CLPTM1L: variants seen among roughly 807,000 people sequenced by gnomAD.
CLPTM1L encodes the protein CLPTM1 like, also known as lipid scramblase CLPTM1L.
In CLPTM1L, 38 loss-of-function variants were observed where a neutral mutation model predicts 70.9. The observed-to-expected ratio is 0.54, with a 90% CI of 0.41 to 0.70. The LOEUF (loss-of-function observed/expected upper bound fraction) is 0.70, where lower values mean the gene tolerates loss of function less well. Among genes scored for constraint, CLPTM1L ranks in the 30% least tolerant of loss-of-function variants. CLPTM1L has a pLI of 0.00. For missense variants in CLPTM1L, 652 were observed against 705.9 expected (o/e 0.92, Z 0.87); for synonymous variants, 339 against 299.9 (o/e 1.13, Z -1.35).
At chr5:1,339,051 T>TG (rs1175786781) in intron 3 of CLPTM1L, 46 bp from the exon 4 acceptor site, 1 of 1,594,950 alleles carries the variant, frequency 6.3e-7, no homozygotes, top group Non-Finnish European at 8.6e-7. Flanking sequence ...CAGAAAACCA[T>TG]GCCCAGGACA....
At chr5:1,328,827 G>T (rs377448013) in intron 9 of CLPTM1L, among the ~76,000 whole-genome samples, 51 of 56,152 alleles carry the variant, frequency 9.1e-4, no homozygotes, top group African/African-American at 1.6e-3. Flanking sequence ...CAGACACATT[G>T]CATCCAGCTC....
Position 1,330,260 on chromosome 5 carries a change from G to C in CLPTM1L, c.1080+20C>G, listed in dbSNP as rs746978192. On this transcript the variant is annotated intron_variant, in intron 9 of 16. Coordinates refer to ENST00000320895, the MANE Select transcript of CLPTM1L (RefSeq NM_030782.5). ...AGGCACATGGACCTCAGACAGTTCA[G>C]GTCACTGCCCGGAACTCACCTCAAT... 6.2e-7 allele frequency: 1 copy of C among 1,606,460 alleles called. No individual in the cohort carries two copies. The highest frequency in any genetic ancestry group is 1.3e-5 in the African/African-American group (1 of 74,892).
intron 9 of CLPTM1L, among the ~76,000 whole-genome samples, chr5:1,326,906 A>G (rs1752616726): frequency 6.7e-6 from 1 of 149,382 alleles, no homozygotes; most frequent in Non-Finnish European, 1.5e-5. Context: ...CTCTACGGAC[A>G]CATTTCATCC....
chr5:1,328,855 T>TGCA (rs1167714966), intron 9 of CLPTM1L, among the ~76,000 whole-genome samples: 1 of 150,768 alleles, frequency 6.6e-6, no homozygotes, highest in Admixed American at 6.6e-5. Context: ...ACAGACACAT[T>TGCA]TCATCCAGCT....
In CLPTM1L at chr5:1,335,165, G is replaced by T. The variant is rs150993328; in HGVS notation, c.688C>A (p.Arg230Ser). Residue 230 changes from arginine to serine, a missense_variant, in exon 6 of 17, where the codon CGC becomes AGC. By Grantham distance (110) the Arg-to-Ser change is moderately radical. Transcript: ENST00000320895. ...GTGAGGGGCAGCTCGGTGGTGGAGC[G>T]GTTTATGACCTGATGAAGAAAGCCA... is the stretch of plus-strand genomic sequence containing the variant. ...NRVKDLMVIN[R>S]STTELPLTVS... 6.2e-7 allele frequency: 1 copy of T among 1,613,382 alleles called. No homozygotes were observed. Among genetic ancestry groups the T allele is most frequent in the Non-Finnish European group, 8.5e-7 (1 of 1,179,836 alleles).
intron 9 of CLPTM1L, among the ~76,000 whole-genome samples, chr5:1,329,553 C>T (rs1752935081): frequency 2.3e-5 from 3 of 132,108 alleles, no homozygotes; most frequent in Non-Finnish European, 4.7e-5. Context: ...GCTTGGTGGA[C>T]AGGGCCTCAG....
intron 7 of CLPTM1L, chr5:1,332,111 G>A (rs1024549009): frequency 1.1e-5 from 6 of 562,124 alleles, no homozygotes; most frequent in African/African-American, 9.4e-5. Flanking sequence ...GAAATAATAC[G>A]TACCTTTGAC....
Position 1,335,155 on chromosome 5 carries a change from G to T in CLPTM1L, c.698C>A (p.Thr233Asn). The T allele has an allele frequency of 6.2e-7, 1 of 1,613,648 alleles. No individual in the cohort carries two copies. The highest frequency in any genetic ancestry group is 8.5e-7 in the Non-Finnish European group (1 of 1,179,992). Residue 233 changes from threonine (T) to asparagine (N), a missense_variant, in exon 6 of 17, where the codon ACC (threonine) becomes AAC (asparagine). Physicochemically the swap from Thr to Asn is moderately conservative, Grantham distance 65. Coordinates refer to ENST00000320895, the MANE Select transcript of CLPTM1L (RefSeq NM_030782.5). ...GTAGGACACGGTGAGGGGCAGCTCG[G>T]TGGTGGAGCGGTTTATGACCTGATG... ...KDLMVINRST[T>N]ELPLTVSYDK...
In CLPTM1L at chr5:1,344,998, A is replaced by C. The variant is rs1309792445; in HGVS notation, c.-157T>G. On this transcript the variant is annotated 5_prime_UTR_variant, in exon 1 of 17. Coordinates refer to ENST00000320895, the MANE Select transcript of CLPTM1L (RefSeq NM_030782.5). ...GGGGAACGAATGCGCCGCGCGCCGCAGACCGCCGGCCGCCCCGCATGCTCC... is the reference window on the plus strand; with the variant it reads ...GGGGAACGAATGCGCCGCGCGCCGCCGACCGCCGGCCGCCCCGCATGCTCC... 1 of 262,996 alleles carries C rather than the reference A, an allele frequency of 3.8e-6. No individual in the cohort carries two copies. Among genetic ancestry groups the C allele is most frequent in the African/African-American group, 2.3e-5 (1 of 42,774 alleles). The allele number at this position is 262,996 out of a possible 1,614,324, so 16.3% of individuals were successfully genotyped here.
intron 3 of CLPTM1L, among the ~76,000 whole-genome samples, chr5:1,340,616 C>G (rs764168538): frequency 6.6e-6 from 1 of 152,096 alleles, no homozygotes; most frequent in African/African-American, 2.4e-5. Flanking sequence ...TGAGGGGACA[C>G]GGAGAGGGGC....
chr5:1,321,474 G>GC (rs1752150005), intron 15 of CLPTM1L, among the ~76,000 whole-genome samples, 161 bp downstream of exon 15: 1 of 152,014 alleles, frequency 6.6e-6, no homozygotes, highest in Non-Finnish European at 1.5e-5. Context: ...ATAGCTCTTC[G>GC]CTTTTTTTTT....
In CLPTM1L at chr5:1,344,329, G is replaced by A. The variant is rs60785550; in HGVS notation, c.263+22C>T. On this transcript the variant is annotated intron_variant, in intron 2 of 16. Coordinates refer to ENST00000320895, the MANE Select transcript of CLPTM1L (RefSeq NM_030782.5). ...ATGAGTAATGTTTTCCCTTTCACTG[G>A]CATTTTGTCCTACGCCCATACCTTT... is the stretch of plus-strand genomic sequence containing the variant. 4,620 of 1,475,058 alleles carry A rather than the reference G, an allele frequency of 3.1e-3. 92 individuals carry two copies. In the African/African-American group the frequency reaches 0.045, roughly 14 times the overall value. The allele number at this position is 1,475,058 out of a possible 1,614,324, so 91.4% of individuals were successfully genotyped here.
Position 1,344,710 on chromosome 5 carries a change from C to T in CLPTM1L, c.132G>A (p.Gln44=), listed in dbSNP as rs773314826. ...GCTTGGGCCGCCGCGCCAGGTAGGGCTGGATGCAGTTGGCGTCGCCGGAGC... is the reference window on the plus strand; with the variant it reads ...GCTTGGGCCGCCGCGCCAGGTAGGGTTGGATGCAGTTGGCGTCGCCGGAGC... ...RPCSGDANCI[Q]PYLARRPKLQ... Residue 44 remains glutamine (Q), a synonymous_variant, in exon 1 of 17, where the codon CAG becomes CAA. Coordinates refer to ENST00000320895, the MANE Select transcript of CLPTM1L (RefSeq NM_030782.5). The T allele has an allele frequency of 3.2e-6, 5 of 1,584,890 alleles. No homozygotes were observed. The highest frequency in any genetic ancestry group is 4.3e-6 in the Non-Finnish European group (5 of 1,167,320).
intron 4 of CLPTM1L, 62 bp downstream of exon 4, chr5:1,338,798 T>C: frequency 6.3e-7 from 1 of 1,599,180 alleles, no homozygotes; most frequent in Non-Finnish European, 8.5e-7. Context: ...TGCTGGCGAG[T>C]TCTGGCCAGC....
Position 1,318,413 on chromosome 5 carries a change from C to A in CLPTM1L, c.1573G>T (p.Glu525Ter). 6.2e-7 allele frequency: 1 copy of A among 1,613,860 alleles called. No individual in the cohort carries two copies. The highest frequency in any genetic ancestry group is 2.2e-5 in the East Asian group (1 of 44,884). Reference protein sequence around the residue: ...VDKRRVNEFGESYEEKATRAP... With the variant: ...VDKRRVNEFG The stretch of plus-strand genomic sequence containing the variant: ...CGCGTGGCCTTCTCCTCGTAGGACT[C>A]CCCAAACTCGTTCACTCTGCGTTTA... Residue 525 changes from glutamate to a stop codon, truncating the protein, a stop_gained, in exon 17 of 17, where the codon GAG (glutamate) becomes TAG (stop). Coordinates refer to ENST00000320895, the MANE Select transcript of CLPTM1L (RefSeq NM_030782.5). LOFTEE classifies it high-confidence loss of function. This position sits in a 1 kb window ranked among gnomAD's most constrained non-coding sequence, Gnocchi z 8.9.
At chr5:1,322,258 A>G (rs1483789657) in intron 13 of CLPTM1L, among the ~76,000 whole-genome samples, 1 of 152,160 alleles carries the variant, frequency 6.6e-6, no homozygotes, top group African/African-American at 2.4e-5. Context: ...ACCACTTCCC[A>G]AAGAGACCAC....
intron 4 of CLPTM1L, 192 bp from the exon 5 acceptor site, chr5:1,338,174 G>A: frequency 1.6e-6 from 1 of 607,666 alleles, no homozygotes; most frequent in Non-Finnish European, 3.0e-6. Flanking sequence ...ATGCACGCTT[G>A]TGAGACCCGC....
In CLPTM1L at chr5:1,331,807, G is replaced by C. The variant is rs777642149; in HGVS notation, c.968C>G (p.Thr323Ser). The C allele has an allele frequency of 3.7e-6, 6 of 1,613,316 alleles. No individual in the cohort carries two copies. In the South Asian group the frequency reaches 5.5e-5, roughly 15 times the overall value. Residue 323 changes from threonine to serine, a missense_variant, in exon 8 of 17, where the codon ACC becomes AGC. This residue lies in a region of CLPTM1L where 240 missense variants were observed against 295.0 expected (regional missense o/e 0.81). Coordinates refer to ENST00000320895, the MANE Select transcript of CLPTM1L (RefSeq NM_030782.5). ...KKKKSMIGMSTKAVLWRCFST... is the reference protein window; with the variant it reads ...KKKKSMIGMSSKAVLWRCFST... ...ACGCTCGGGGGGCCTACCTGCCTTG[G>C]TGGACATGCCGATCATGCTCTTCTT...
chr5:1,330,234 G>A (rs1397357074), intron 9 of CLPTM1L, 46 bp downstream of exon 9: 2 of 1,501,332 alleles, frequency 1.3e-6, no homozygotes, highest in Non-Finnish European at 1.9e-6. Flanking sequence ...TGAGTGCGTG[G>A]AGGCACATGG....
Sources: gnomAD v4.1 joint callset for allele counts (sites outside exome capture counted in the v4.1 genomes callset) on GRCh38, gnomAD v4.1.1 for gene constraint, gnomAD v4.1.1 regional missense constraint, Gnocchi (gnomAD v3.1) non-coding constraint, MANE v1.5 for transcripts, NCBI Gene and HGNC (gene_info 2026-07-23, HGNC 2026-07-21) for gene names.